Variants in GALNT13 observed in about 807,000 individuals in gnomAD.
GALNT13 encodes the protein polypeptide N-acetylgalactosaminyltransferase 13.
A neutral mutation model predicts 64.2 loss-of-function variants in GALNT13; 28 were observed. The ratio of observed to expected loss-of-function variants is 0.44; its 90% CI spans 0.32 to 0.60. The LOEUF is 0.60. GALNT13 is among the 20% of genes least tolerant of loss of function. The probability of loss-of-function intolerance (pLI) is 0.05; values close to 1 mark genes in which losing one functional copy is unlikely to be tolerated. For missense variants in GALNT13, 577 were observed against 669.8 expected (o/e 0.86, Z 1.53); for synonymous variants, 214 against 224.6 (o/e 0.95, Z 0.42).
rs540890526 is a variant in GALNT13 at position 154,224,816 on chromosome 2, C to G, written c.312-17214C>G. Among the ~76,000 whole-genome samples, 15 of 152,118 alleles carry G rather than the reference C, an allele frequency of 9.9e-5. 1 individual carries two copies. Among genetic ancestry groups the G allele is most frequent in the African/African-American group, 3.4e-4 (14 of 41,514 alleles). On this transcript the variant is annotated intron_variant, in intron 4 of 12. Transcript: ENST00000392825. ...AAAAAATTATCTAAATTCCTCTTAACCTTGGTGGAAGGAAATGCTCTCTGT... is the reference window on the plus strand; with the variant it reads ...AAAAAATTATCTAAATTCCTCTTAAGCTTGGTGGAAGGAAATGCTCTCTGT...
intron 4 of GALNT13, among the ~76,000 whole-genome samples, chr2:154,180,095 G>C (rs139001533): frequency 6.2e-4 from 94 of 152,246 alleles, no homozygotes; most frequent in African/African-American, 2.1e-3. Flanking sequence ...TCATCAAGTT[G>C]TTTAAACCAA....
the GALNT13 span, among the ~76,000 whole-genome samples, chr2:153,542,359 C>CA: frequency 8.3e-3 from 461 of 55,604 alleles, 1 homozygote; most frequent in Non-Finnish European, 9.0e-3. Flanking sequence ...CACACACACA[C>CA]AAAAAAAAAA....
chr2:153,363,863 A>G, the GALNT13 span, among the ~76,000 whole-genome samples: 1 of 152,210 alleles, frequency 6.6e-6, no homozygotes, highest in Non-Finnish European at 1.5e-5. Flanking sequence ...ACTGAAAAGG[A>G]GGGACTCCTC....
At chr2:153,358,440 C>G in the GALNT13 span, among the ~76,000 whole-genome samples, 1 of 152,140 alleles carries the variant, frequency 6.6e-6, no homozygotes, top group African/African-American at 2.4e-5. Context: ...TTCACAAAAG[C>G]TAAGGACTAA....
chr2:153,272,812 C>T, the GALNT13 span, among the ~76,000 whole-genome samples: 1 of 152,112 alleles, frequency 6.6e-6, no homozygotes, highest in East Asian at 1.9e-4. Flanking sequence ...AAGACACATG[C>T]ACAGGTACGT....
At chr2:153,863,435 G>A in the GALNT13 span, among the ~76,000 whole-genome samples, 3 of 152,210 alleles carry the variant, frequency 2.0e-5, no homozygotes, top group East Asian at 3.9e-4. Context: ...GATAAAAGAC[G>A]TAATTGTTAT....
chr2:153,604,711 T>C, the GALNT13 span, among the ~76,000 whole-genome samples: 1 of 152,070 alleles, frequency 6.6e-6, no homozygotes, highest in Non-Finnish European at 1.5e-5. Context: ...ATATCATTGG[T>C]ATCTTTTATG....
At chr2:153,272,224 A>G in the GALNT13 span, among the ~76,000 whole-genome samples, 2 of 152,158 alleles carry the variant, frequency 1.3e-5, no homozygotes, top group East Asian at 3.8e-4. Flanking sequence ...TGACTAAAAC[A>G]CTAAAAGCAA....
the GALNT13 span, among the ~76,000 whole-genome samples, chr2:153,864,690 C>A: frequency 3.3e-5 from 5 of 151,830 alleles, no homozygotes; most frequent in East Asian, 9.7e-4. Context: ...ACATTCCATG[C>A]TCATGGGTAG....
the GALNT13 span, among the ~76,000 whole-genome samples, chr2:153,727,839 A>G: frequency 6.6e-6 from 1 of 152,040 alleles, no homozygotes; most frequent in Non-Finnish European, 1.5e-5. Context: ...TCAACCCGTC[A>G]TTCAGGTTTT....
At chr2:153,736,957 G>A in the GALNT13 span, among the ~76,000 whole-genome samples, 2 of 152,174 alleles carry the variant, frequency 1.3e-5, no homozygotes, top group African/African-American at 4.8e-5. Context: ...AATTGCTTCT[G>A]CCTTTCCCAC....
the GALNT13 span, among the ~76,000 whole-genome samples, chr2:153,687,530 G>C: frequency 6.6e-6 from 1 of 151,584 alleles, no homozygotes; most frequent in South Asian, 2.1e-4. Flanking sequence ...TTGAATAGAA[G>C]AGTAAATATT....
At chr2:154,095,708 TA>T (rs1370162203) in intron 3 of GALNT13, among the ~76,000 whole-genome samples, 1 of 152,054 alleles carries the variant, frequency 6.6e-6, no homozygotes, top group African/African-American at 2.4e-5. Flanking sequence ...GCTTAATAAG[TA>T]ATTGCATAGT....
At chr2:153,450,191 C>T in the GALNT13 span, among the ~76,000 whole-genome samples, 1 of 152,118 alleles carries the variant, frequency 6.6e-6, no homozygotes, top group Admixed American at 6.6e-5. Context: ...CCTATTCTAC[C>T]ATCATTTTCT....
At chr2:153,069,639 A>G in the GALNT13 span, among the ~76,000 whole-genome samples, 3 of 152,218 alleles carry the variant, frequency 2.0e-5, no homozygotes, top group African/African-American at 7.2e-5. Flanking sequence ...CTATAGTCCC[A>G]TGCTTGTTCT....
At chr2:153,521,558 C>T in the GALNT13 span, among the ~76,000 whole-genome samples, 1 of 152,108 alleles carries the variant, frequency 6.6e-6, no homozygotes, top group African/African-American at 2.4e-5. Context: ...ACCCAAAGTC[C>T]ATAGTTTACA....
intron 3 of GALNT13, among the ~76,000 whole-genome samples, chr2:153,954,345 G>C (rs1574196243): frequency 6.6e-6 from 1 of 152,032 alleles, no homozygotes; most frequent in East Asian, 1.9e-4. Context: ...TTGTAAAACA[G>C]TGGAATATAC....
intron 9 of GALNT13, among the ~76,000 whole-genome samples, chr2:154,352,750 C>T (rs987775127): frequency 5.9e-5 from 9 of 152,162 alleles, no homozygotes; most frequent in Non-Finnish European, 2.9e-5. Flanking sequence ...AGGGTTAGTA[C>T]TTTCAATGTG....
the GALNT13 span, among the ~76,000 whole-genome samples, chr2:153,443,476 C>T: frequency 6.6e-6 from 1 of 152,264 alleles, no homozygotes; most frequent in African/African-American, 2.4e-5. Context: ...TTTCTCTATG[C>T]TTTGCTCTCC....
Sources: gnomAD v4.1 joint callset for allele counts (sites outside exome capture counted in the v4.1 genomes callset) on GRCh38, gnomAD v4.1.1 for gene constraint, MANE v1.5 for transcripts, NCBI Gene and HGNC (gene_info 2026-07-23, HGNC 2026-07-21) for gene names.